The following CCNF variants were observed in gnomAD, a reference collection of about 807,000 sequenced individuals.
CCNF encodes cyclin-F.
In CCNF, 30 loss-of-function variants were observed where a neutral mutation model predicts 85.4. The ratio of observed to expected loss-of-function variants is 0.35; its 90% CI spans 0.26 to 0.48. The LOEUF (loss-of-function observed/expected upper bound fraction) is 0.48, where lower values mean the gene tolerates loss of function less well. Ranked by LOEUF, CCNF falls within the 20% of genes least tolerant of loss-of-function variation. The pLI, the probability that CCNF is intolerant of heterozygous loss-of-function variation, is 0.99. For synonymous variants in CCNF, 439 were observed against 425.1 expected (o/e 1.03, Z -0.40); for missense variants, 919 against 1,010.4 (o/e 0.91, Z 1.23).
Position 2,449,317 on chromosome 16 carries a change from G to A in CCNF, c.1254G>A (p.Leu418=). The A allele has an allele frequency of 6.2e-7, 1 of 1,613,918 alleles. No homozygotes were observed. Among genetic ancestry groups the A allele is most frequent in the Non-Finnish European group, 8.5e-7 (1 of 1,179,962 alleles). Residue 418 remains leucine (L), a synonymous_variant, in exon 12 of 17, where the codon CTG becomes CTA. Transcript: ENST00000397066. ...TGGTGGATTACAAGGAGGTCCTGCT[G>A]ACGCTAGTCCCTGTGGAGCTGAGAA... ...PTVVDYKEVL[L]TLVPVELRTQ...
At position 2,456,713 on chromosome 16, in the gene CCNF, C is replaced by T. The variant is rs1049059328; in HGVS notation, c.2054C>T (p.Pro685Leu). 5 of 1,612,932 alleles carry T rather than the reference C, an allele frequency of 3.1e-6. No homozygotes were observed. The highest frequency in any genetic ancestry group is 1.3e-5 in the African/African-American group (1 of 74,932). ...TQIPATPGPK[P>L]LVRTSREPGK... ...ATCCCTGCAACCCCTGGACCCAAAC[C>T]CCTGGTCCGCACCAGCCGGGAGCCA... Residue 685 changes from proline (P) to leucine (L), a missense_variant, in exon 17 of 17, where the codon CCC becomes CTC. By Grantham distance (98) the Pro-to-Leu change is moderately conservative. Coordinates refer to ENST00000397066, the MANE Select transcript of CCNF (RefSeq NM_001761.3). The surrounding 1 kb of genome is among the most constrained non-coding windows in gnomAD (Gnocchi z 4.5).
In CCNF at chr16:2,431,115, C is replaced by G. The variant is rs1567381512; in HGVS notation, c.17-15C>G. ...TTTTTCATCTTATCAAGGCTTCTGT[C>G]TTTTTTTCCTTCAGTGGTCCACTGT... On this transcript the variant is annotated splice_polypyrimidine_tract_variant and intron_variant, in intron 1 of 16. Transcript: ENST00000397066. The G allele has an allele frequency of 6.2e-7, 1 of 1,612,226 alleles. No individual in the cohort carries two copies.
intron 12 of CCNF, 66 bp from the exon 13 acceptor site, chr16:2,449,762 C>T (rs2065383329): frequency 3.5e-6 from 3 of 856,732 alleles, no homozygotes; most frequent in Non-Finnish European, 5.8e-6. Context: ...CACCACAGCC[C>T]CTCCGTCCCC....
intron 8 of CCNF, 40 bp from the exon 9 acceptor site, chr16:2,443,609 G>A: frequency 6.3e-7 from 1 of 1,598,150 alleles, no homozygotes; most frequent in Non-Finnish European, 8.6e-7. Context: ...ACTGCAACAT[G>A]GCTGCTGTCT....
chr16:2,454,769 C>T (rs1384572099), intron 15 of CCNF, among the ~76,000 whole-genome samples: 1 of 152,190 alleles, frequency 6.6e-6, no homozygotes, highest in African/African-American at 2.4e-5. Context: ...TATTAATCAA[C>T]ACCAGAGGGG....
At chr16:2,448,797 GC>G in intron 10 of CCNF, 57 bp from the exon 11 acceptor site, 1 of 1,566,810 alleles carries the variant, frequency 6.4e-7, no homozygotes, top group Non-Finnish European at 8.7e-7. Context: ...GGGTCCCTCC[GC>G]CCCACCCCTG....
chr16:2,442,759 A>T (rs565653302), intron 8 of CCNF, among the ~76,000 whole-genome samples: 2 of 25,836 alleles, frequency 7.7e-5, no homozygotes, highest in Non-Finnish European at 1.0e-4. Flanking sequence ...AATTATAATA[A>T]TATAATATAT....
chr16:2,452,873 T>G lies in CCNF; in HGVS notation c.1488-337T>G. ...TGTCCATGTGGTGTGTGTCCCTGCT[T>G]TGTTCTTTTTCATGGCTGAATAATA... On this transcript the variant is annotated intron_variant, in intron 13 of 16. Transcript: ENST00000397066. This position sits in a 1 kb window ranked among gnomAD's most constrained non-coding sequence, Gnocchi z 4.1. The G allele has an allele frequency of 3.0e-6, 1 of 333,360 alleles. No individual in the cohort carries two copies. Among genetic ancestry groups the G allele is most frequent in the Non-Finnish European group, 5.7e-6 (1 of 176,864 alleles). 20.7% of individuals were successfully genotyped at this position (333,360 alleles called of 1,614,324 possible). A position where few individuals can be genotyped will look rare whatever the true frequency, so the allele number is the denominator to read the frequency against.
intron 1 of CCNF, among the ~76,000 whole-genome samples, chr16:2,430,386 C>T (rs1457914311): frequency 1.3e-5 from 2 of 152,168 alleles, no homozygotes; most frequent in Admixed American, 6.5e-5. Flanking sequence ...TTGGAAAATC[C>T]GGCTGTGGGA....
At chr16:2,443,950 C>T (rs558092070) in intron 9 of CCNF, 150 bp downstream of exon 9, 322 of 638,156 alleles carry the variant, frequency 5.0e-4, no homozygotes, top group South Asian at 5.5e-4. Context: ...AGTGGAGTCT[C>T]GCTCTGTCGC....
chr16:2,430,659 T>C (rs2065257826), intron 1 of CCNF, among the ~76,000 whole-genome samples: 1 of 152,152 alleles, frequency 6.6e-6, no homozygotes, highest in African/African-American at 2.4e-5. Flanking sequence ...CCCTTCTAAT[T>C]TGGACTTGAA....
chr16:2,442,980 ATAT>A (rs1430585774), intron 8 of CCNF, among the ~76,000 whole-genome samples: 4 of 107,654 alleles, frequency 3.7e-5, no homozygotes, highest in East Asian at 2.3e-4. Flanking sequence ...TATATATTAT[ATAT>A]TATTTATGTT....
intron 8 of CCNF, among the ~76,000 whole-genome samples, chr16:2,443,354 A>G (rs1340921182): frequency 6.6e-6 from 1 of 151,708 alleles, no homozygotes; most frequent in Admixed American, 6.6e-5. Flanking sequence ...GCGTATGGCC[A>G]GAGACTTAAC....
chr16:2,449,507 C>A, intron 12 of CCNF, 45 bp downstream of exon 12: 1 of 1,563,480 alleles, frequency 6.4e-7, no homozygotes, highest in Non-Finnish European at 8.7e-7. Flanking sequence ...GGGGAAGGTG[C>A]TGACATAGGA....
chr16:2,442,996 TTA>T (rs1462641934), intron 8 of CCNF, among the ~76,000 whole-genome samples: 1 of 112,934 alleles, frequency 8.9e-6, no homozygotes, highest in Non-Finnish European at 1.7e-5. Context: ...TTTATGTTAA[TTA>T]TATATTATAT....
At chr16:2,450,910 CCT>C (rs1273721851) in intron 13 of CCNF, among the ~76,000 whole-genome samples, 3 of 152,246 alleles carry the variant, frequency 2.0e-5, no homozygotes, top group Non-Finnish European at 2.9e-5. Context: ...ATAGAGCTAT[CCT>C]CTGTCTCACT....
chr16:2,448,748 C>A, intron 10 of CCNF, 107 bp from the exon 11 acceptor site: 1 of 996,636 alleles, frequency 1.0e-6, no homozygotes, highest in Non-Finnish European at 1.5e-6. Context: ...AAGCCCAACG[C>A]CATGGCTCCC....
At chr16:2,442,940 A>G (rs1277481628) in intron 8 of CCNF, among the ~76,000 whole-genome samples, 1 of 98,850 alleles carries the variant, frequency 1.0e-5, no homozygotes, top group Non-Finnish European at 1.8e-5. Context: ...TGATTATTAT[A>G]TATTATTATA....
chr16:2,455,370 C>T lies in CCNF; in HGVS notation c.1716-25C>T, dbSNP rs759316148. 11 of 1,558,628 alleles carry T rather than the reference C, an allele frequency of 7.1e-6. 1 individual carries two copies. The highest frequency in any genetic ancestry group is 7.0e-6 in the Non-Finnish European group (8 of 1,143,586). On this transcript the variant is annotated intron_variant, in intron 15 of 16. Coordinates refer to ENST00000397066, the MANE Select transcript of CCNF (RefSeq NM_001761.3). ...CCAGCGCCGCCGTCCATGACTGGGT[C>T]TCCTGGGCTCTCTCCACCTTGCAGG... is the stretch of plus-strand genomic sequence containing the variant.
Sources: allele counts gnomAD v4.1 joint callset (sites outside exome capture counted in the v4.1 genomes callset), GRCh38; gene constraint gnomAD v4.1.1; non-coding constraint Gnocchi (gnomAD v3.1); transcripts MANE v1.5; gene names NCBI Gene and HGNC (gene_info 2026-07-23, HGNC 2026-07-21).